The following GSE1 variants were observed in gnomAD, a reference collection of about 807,000 sequenced individuals.
The protein encoded by GSE1 is Gse1 coiled-coil protein, also known as genetic suppressor element 1.
A neutral mutation model predicts 112.6 loss-of-function variants in GSE1; 32 were observed. The observed-to-expected ratio is 0.28, with a 90% CI of 0.21 to 0.38. The LOEUF is 0.38. GSE1 is among the 10% of genes least tolerant of loss of function. The pLI is 1.00. For synonymous variants in GSE1, 1,115 were observed against 735.6 expected, an observed-to-expected ratio of 1.52 and a Z score of -8.35; for missense variants, 2,348 against 1,699.2, an observed-to-expected ratio of 1.38 and a Z score of -6.71.
chr16:85,404,298 C>A (rs1264840182), intron 2 of GSE1, among the ~76,000 whole-genome samples: 1 of 89,472 alleles, frequency 1.1e-5, no homozygotes, highest in East Asian at 3.2e-4. Context: ...TACACTCAGG[C>A]CCCCCGGATA....
chr16:85,675,790 TA>T lies in GSE1; in HGVS notation c.*3254del. The T allele has an allele frequency of 6.6e-6, 1 of 152,396 alleles. No individual in the cohort carries two copies. Among genetic ancestry groups the T allele is most frequent in the African/African-American group, 2.4e-5 (1 of 41,600 alleles). The allele number at this position is 152,396 out of a possible 1,614,324, so 9.4% of individuals were successfully genotyped here. The stretch of plus-strand genomic sequence containing the variant: ...AGCACAAACCGATTCTGTTCCTCTT[TA>T]AAGTGTATATTAGCCACTTAGCAAT... On this transcript the variant is annotated 3_prime_UTR_variant, in exon 16 of 16. Coordinates refer to ENST00000253458, the MANE Select transcript of GSE1 (RefSeq NM_014615.5).
intron 2 of GSE1, among the ~76,000 whole-genome samples, chr16:85,378,383 G>A (rs944897990): frequency 6.6e-6 from 1 of 152,146 alleles, no homozygotes; most frequent in Non-Finnish European, 1.5e-5. Flanking sequence ...AGGCAGTCAG[G>A]GGTCCCAGCC....
At chr16:85,497,261 C>T (rs193075819) in intron 2 of GSE1, among the ~76,000 whole-genome samples, 301 of 152,272 alleles carry the variant, frequency 2.0e-3, no homozygotes, top group African/African-American at 7.0e-3. Flanking sequence ...AGTGGGTGGG[C>T]GCACCTCTGG....
chr16:85,302,283 C>T (rs1258383806), intron 1 of GSE1, among the ~76,000 whole-genome samples: 3 of 152,158 alleles, frequency 2.0e-5, no homozygotes, highest in Non-Finnish European at 4.4e-5. Flanking sequence ...CGGGGTGACT[C>T]GGAGTCATCC....
intron 1 of GSE1, among the ~76,000 whole-genome samples, chr16:85,344,776 C>T (rs2151546832): frequency 6.6e-6 from 1 of 152,328 alleles, no homozygotes; most frequent in South Asian, 2.1e-4. Context: ...AGTCTATGCC[C>T]TCAGCCCCAG....
intron 2 of GSE1, among the ~76,000 whole-genome samples, chr16:85,523,563 C>T (rs1432377267): frequency 2.6e-5 from 4 of 152,164 alleles, no homozygotes; most frequent in African/African-American, 9.7e-5. Flanking sequence ...TAAGGAACCC[C>T]TGGGAGCCGC....
chr16:85,302,182 A>AAG lies in GSE1; in HGVS notation c.2284-55268_2284-55267dup, dbSNP rs142794307. Among the ~76,000 whole-genome samples, 5 of 151,854 alleles carry AAG rather than the reference A, an allele frequency of 3.3e-5. No individual in the cohort carries two copies. In the Middle Eastern group the frequency reaches 0.01, roughly 310 times the overall value. On this transcript the variant is annotated intron_variant, in intron 1 of 2. Transcript: ENST00000637419. ...GCCCAGGAAGGGATCGAGGAAATAA[A>AAG]AGAGAGAGAGAGAGGACTCGAATGC...
chr16:85,267,612 C>T (rs1435046253), intron 1 of GSE1, among the ~76,000 whole-genome samples: 4 of 152,204 alleles, frequency 2.6e-5, no homozygotes, highest in Non-Finnish European at 5.9e-5. Flanking sequence ...TTATTGAGCA[C>T]CTGCTATGTG....
At chr16:85,646,906 G>A (rs1245302034) in intron 2 of GSE1, among the ~76,000 whole-genome samples, 1 of 151,928 alleles carries the variant, frequency 6.6e-6, no homozygotes, top group Non-Finnish European at 1.5e-5. Context: ...GGGGGGTGGG[G>A]GCTCCGGAAG....
In GSE1 at chr16:85,223,666, G is replaced by A. The variant is rs533135630; in HGVS notation, c.2283+51859G>A. ...GTCGCCCAGGCTGGAGTGCAGTGGC[G>A]TGATCTCGGCTCACTGCAGCCCCTG... is the stretch of plus-strand genomic sequence containing the variant. On this transcript the variant is annotated intron_variant, in intron 1 of 2. Transcript: ENST00000637419. Among the ~76,000 whole-genome samples, 20 of 151,756 alleles carry A rather than the reference G, an allele frequency of 1.3e-4. No individual in the cohort carries two copies. The South Asian group carries it at 4.0e-3, about 30-fold the overall frequency.
intron 1 of GSE1, among the ~76,000 whole-genome samples, chr16:85,261,597 G>A (rs1907689894): frequency 6.6e-6 from 1 of 152,206 alleles, no homozygotes; most frequent in Admixed American, 6.5e-5. Context: ...GCCCCGTGTG[G>A]TAGAGGGGAC....
At chr16:85,362,220 G>T (rs573719827) in intron 2 of GSE1, among the ~76,000 whole-genome samples, 2 of 152,350 alleles carry the variant, frequency 1.3e-5, no homozygotes, top group South Asian at 2.1e-4. Flanking sequence ...TCCTTCCCTC[G>T]TGGGGCGGGT....
At chr16:85,339,882 G>A (rs956520798) in intron 1 of GSE1, among the ~76,000 whole-genome samples, 2 of 152,150 alleles carry the variant, frequency 1.3e-5, no homozygotes, top group Admixed American at 6.5e-5. Context: ...CACAGAAGCC[G>A]GATCTTTCCC....
intron 1 of GSE1, among the ~76,000 whole-genome samples, chr16:85,300,335 C>T (rs2045486487): frequency 6.6e-6 from 1 of 152,212 alleles, no homozygotes; most frequent in Non-Finnish European, 1.5e-5. Context: ...TTTAAGTATA[C>T]ACCTCAGCGA....
At chr16:85,627,043 C>CTTTTTTTTTTTTT (rs1310553127) in intron 1 of GSE1, among the ~76,000 whole-genome samples, 1 of 28,672 alleles carries the variant, frequency 3.5e-5, no homozygotes, top group African/African-American at 1.8e-4. Flanking sequence ...TTTCTTCTTG[C>CTTTTTTTTTTTTT]CTTTTTTTTT....
chr16:85,242,387 G>T (rs1026223750), intron 1 of GSE1, among the ~76,000 whole-genome samples: 1 of 152,216 alleles, frequency 6.6e-6, no homozygotes, highest in Admixed American at 6.5e-5. Flanking sequence ...GGAAGGGGTG[G>T]GTCAGTGTGG....
intron 2 of GSE1, among the ~76,000 whole-genome samples, chr16:85,503,019 G>A (rs2051422740): frequency 6.6e-6 from 1 of 152,206 alleles, no homozygotes; most frequent in South Asian, 2.1e-4. Flanking sequence ...GGCCCCATGA[G>A]GAGACCACAC....
At chr16:85,671,330 C>CT (rs1244208736) in intron 15 of GSE1, among the ~76,000 whole-genome samples, 2 of 149,486 alleles carry the variant, frequency 1.3e-5, no homozygotes, top group Non-Finnish European at 3.0e-5. Flanking sequence ...GTCCCAGCTA[C>CT]TTGGGAGGCT....
chr16:85,468,558 T>A (rs1443725010), intron 2 of GSE1, among the ~76,000 whole-genome samples: 1 of 151,882 alleles, frequency 6.6e-6, no homozygotes, highest in Non-Finnish European at 1.5e-5. Context: ...CCTCCTGTGA[T>A]CCACCAGCCC....
Sources: allele counts gnomAD v4.1 joint callset (sites outside exome capture counted in the v4.1 genomes callset), GRCh38; gene constraint gnomAD v4.1.1; transcripts MANE v1.5; gene names NCBI Gene and HGNC (gene_info 2026-07-23, HGNC 2026-07-21).